The following OXR1 variants were observed in gnomAD, a reference collection of about 807,000 sequenced individuals.
OXR1 encodes the protein oxidation resistance protein 1.
In OXR1, 41 loss-of-function variants were observed where a neutral mutation model predicts 104.6. That is an observed-to-expected ratio of 0.39 (90% CI 0.31 to 0.51). The LOEUF is 0.51. Among genes scored for constraint, OXR1 ranks in the 20% least tolerant of loss-of-function variants. The probability of loss-of-function intolerance (pLI) is 0.77; values close to 1 mark genes in which losing one functional copy is unlikely to be tolerated. For missense variants in OXR1, 955 were observed against 1,031.9 expected (o/e 0.93, Z 1.02); for synonymous variants, 348 against 348.4 (o/e 1.00, Z 0.01).
intron 2 of OXR1, chr8:106,448,138 TTTCTGTGCAAGTGA>T: frequency 7.2e-7 from 1 of 1,385,280 alleles, no homozygotes; most frequent in Non-Finnish European, 9.9e-7. Context: ...AGCTCTCTGA[TTTCTGTGCAAGTGA>T]GAAATCAAAT....
chr8:106,504,271 A>G (rs1211812176), intron 2 of OXR1, among the ~76,000 whole-genome samples: 6 of 152,208 alleles, frequency 3.9e-5, no homozygotes, highest in Non-Finnish European at 8.8e-5. Context: ...TACTACACTC[A>G]CAGTTAAGAG....
At chr8:106,276,497 A>C (rs1233453798) in intron 1 of OXR1, among the ~76,000 whole-genome samples, 5 of 152,160 alleles carry the variant, frequency 3.3e-5, no homozygotes, top group Admixed American at 6.5e-5. Flanking sequence ...ACTTTAGATG[A>C]GCTTAACTTT....
chr8:106,355,643 C>G (rs1002959079), intron 1 of OXR1, among the ~76,000 whole-genome samples: 2 of 151,754 alleles, frequency 1.3e-5, no homozygotes, highest in Non-Finnish European at 1.5e-5. Context: ...TATGAATGGT[C>G]ACTATAAATT....
intron 3 of OXR1, among the ~76,000 whole-genome samples, chr8:106,664,168 T>C (rs1439439915): frequency 6.6e-6 from 1 of 152,216 alleles, no homozygotes; most frequent in African/African-American, 2.4e-5. Context: ...ATTTGCCTGT[T>C]TTAGAATTGC....
chr8:106,686,942 T>C (rs921473050), intron 6 of OXR1, among the ~76,000 whole-genome samples: 2 of 152,206 alleles, frequency 1.3e-5, no homozygotes, highest in Non-Finnish European at 1.5e-5. Context: ...ATAGCTAAAA[T>C]GTAGTATTGC....
At chr8:106,682,258 G>GCT (rs976939784) in intron 4 of OXR1, among the ~76,000 whole-genome samples, 3 of 147,956 alleles carry the variant, frequency 2.0e-5, no homozygotes, top group African/African-American at 7.4e-5. Context: ...TTTCTTCAGA[G>GCT]CTCTCTCTTT....
At chr8:106,394,812 A>T (rs2154669) in intron 2 of OXR1, among the ~76,000 whole-genome samples, 1 of 151,808 alleles carries the variant, frequency 6.6e-6, no homozygotes, top group African/African-American at 2.4e-5. Context: ...GGACTGTTTC[A>T]CATGCTACTT....
At position 106,469,206 on chromosome 8, in the gene OXR1, C is replaced by T. The variant is rs137971033; in HGVS notation, c.24-49737C>T. Among the ~76,000 whole-genome samples, 965 of 151,868 alleles carry T rather than the reference C, an allele frequency of 6.4e-3. 5 individuals carry two copies. The highest frequency in any genetic ancestry group is 0.01 in the Middle Eastern group (3 of 294). On this transcript the variant is annotated intron_variant, in intron 2 of 16. Transcript: ENST00000517566. ...CTCTCTTTCTCGTCCTCTTTCCCTCCCTCCCTTCTTGCCTATAGACTTTCT... is the reference window on the plus strand; with the variant it reads ...CTCTCTTTCTCGTCCTCTTTCCCTCTCTCCCTTCTTGCCTATAGACTTTCT...
chr8:106,583,057 GT>G (rs948511369), intron 3 of OXR1, among the ~76,000 whole-genome samples: 1 of 151,864 alleles, frequency 6.6e-6, no homozygotes, highest in East Asian at 1.9e-4. Context: ...TTAGGAGGGA[GT>G]TTTTTTTGAA....
At chr8:106,335,141 T>C (rs1433637880) in intron 1 of OXR1, among the ~76,000 whole-genome samples, 3 of 152,166 alleles carry the variant, frequency 2.0e-5, no homozygotes, top group African/African-American at 4.8e-5. Flanking sequence ...ATGTGTTGTT[T>C]CGTCTGCTGA....
At chr8:106,380,002 T>C (rs931714344) in intron 2 of OXR1, among the ~76,000 whole-genome samples, 1 of 152,198 alleles carries the variant, frequency 6.6e-6, no homozygotes, top group African/African-American at 2.4e-5. Context: ...TATCTTTTGG[T>C]ATATTCACAG....
At chr8:106,475,662 A>G (rs911463110) in intron 2 of OXR1, among the ~76,000 whole-genome samples, 20 of 152,034 alleles carry the variant, frequency 1.3e-4, no homozygotes, top group African/African-American at 4.8e-4. Flanking sequence ...GTCCATTTTG[A>G]AAATGAATCA....
At chr8:106,467,051 G>A (rs1365331429) in intron 2 of OXR1, among the ~76,000 whole-genome samples, 1 of 151,856 alleles carries the variant, frequency 6.6e-6, no homozygotes, top group Non-Finnish European at 1.5e-5. Flanking sequence ...GTTGCTGCTA[G>A]TGATAATTTC....
intron 3 of OXR1, among the ~76,000 whole-genome samples, chr8:106,677,444 A>G (rs1827715573): frequency 6.6e-6 from 1 of 152,106 alleles, no homozygotes; most frequent in South Asian, 2.1e-4. Flanking sequence ...ATTCTACCAT[A>G]TTGCATTGCC....
intron 3 of OXR1, among the ~76,000 whole-genome samples, chr8:106,663,379 G>C (rs984693289): frequency 1.3e-5 from 2 of 152,180 alleles, no homozygotes; most frequent in Non-Finnish European, 2.9e-5. Flanking sequence ...AGTTAAATTA[G>C]TTAAGATTGT....
At position 106,710,775 on chromosome 8, in the gene OXR1, C is replaced by T; in HGVS notation, c.1778C>T (p.Ala593Val). ...QRDKKHEYWF[A>V]VPQERTDHLY... ...GATAAGAAACATGAATATTGGTTTG[C>T]TGTGCCACAAGAAAGGTAAAAAACC... Residue 593 changes from alanine to valine, a missense_variant, in exon 10 of 17, where the codon GCT (alanine) becomes GTT (valine). Ala to Val is a moderately conservative substitution (Grantham distance 64, BLOSUM62 0). Coordinates refer to ENST00000517566, the MANE Select transcript of OXR1 (RefSeq NM_001198533.2). 2 of 1,512,368 alleles carry T rather than the reference C, an allele frequency of 1.3e-6. No individual in the cohort carries two copies. Among genetic ancestry groups the T allele is most frequent in the Non-Finnish European group, 8.9e-7 (1 of 1,127,402 alleles). The allele number at this position is 1,512,368 out of a possible 1,614,324, so 93.7% of individuals were successfully genotyped here.
intron 2 of OXR1, among the ~76,000 whole-genome samples, chr8:106,453,683 G>T (rs1409469715): frequency 6.6e-6 from 1 of 152,096 alleles, no homozygotes; most frequent in African/African-American, 2.4e-5. Flanking sequence ...AACTCTCATG[G>T]TGGCATCCAA....
intron 2 of OXR1, among the ~76,000 whole-genome samples, chr8:106,370,967 G>A (rs1425141859): frequency 6.6e-6 from 1 of 152,006 alleles, no homozygotes; most frequent in African/African-American, 2.4e-5. Flanking sequence ...GTTTCAGAAG[G>A]AATGGTACCA....
intron 3 of OXR1, among the ~76,000 whole-genome samples, chr8:106,535,121 C>A (rs1486315230): frequency 1.3e-5 from 2 of 152,138 alleles, no homozygotes; most frequent in African/African-American, 4.8e-5. Flanking sequence ...CGCCACCACA[C>A]CCGGCTAATT....
Sources: allele counts gnomAD v4.1 joint callset (sites outside exome capture counted in the v4.1 genomes callset), GRCh38; gene constraint gnomAD v4.1.1; transcripts MANE v1.5; gene names NCBI Gene and HGNC (gene_info 2026-07-23, HGNC 2026-07-21).